MEGF11: variants seen among roughly 807,000 people sequenced by gnomAD.
MEGF11 encodes multiple epidermal growth factor-like domains protein 11.
In MEGF11, 126 loss-of-function variants were observed where a neutral mutation model predicts 146.6. The observed-to-expected ratio is 0.86, with a 90% CI of 0.74 to 1.00. MEGF11 has a LOEUF of 1.00. MEGF11 is among the 50% of genes least tolerant of loss of function. The pLI is 0.00. For synonymous variants in MEGF11, 532 were observed against 583.4 expected (o/e 0.91, Z 1.27); for missense variants, 1,509 against 1,521.2 (o/e 0.99, Z 0.13).
intron 5 of MEGF11, among the ~76,000 whole-genome samples, chr15:66,065,855 T>C (rs1174466810): frequency 1.3e-5 from 2 of 152,142 alleles, no homozygotes; most frequent in Non-Finnish European, 2.9e-5. Context: ...CAGTGGGGTT[T>C]CCCTCACCTT....
At chr15:66,114,348 G>C (rs62012722) in intron 4 of MEGF11, among the ~76,000 whole-genome samples, 10,994 of 152,216 alleles carry the variant, frequency 0.072, 403 homozygotes, top group Middle Eastern at 0.11. Context: ...GGCTGACAAG[G>C]AGCAGGCCTT....
chr15:66,048,038 T>C (rs1173565101), intron 5 of MEGF11, among the ~76,000 whole-genome samples: 3 of 151,252 alleles, frequency 2.0e-5, no homozygotes, highest in African/African-American at 7.3e-5. Flanking sequence ...CTCTGCCTCC[T>C]GGGTTCAAGT....
At chr15:66,072,208 C>T (rs996523260) in intron 5 of MEGF11, among the ~76,000 whole-genome samples, 1 of 152,176 alleles carries the variant, frequency 6.6e-6, no homozygotes, top group Non-Finnish European at 1.5e-5. Context: ...TGGCAATTGT[C>T]CCCTGAGTGT....
chr15:65,982,732 C>T lies in MEGF11; in HGVS notation c.395-244G>A, dbSNP rs1333669531. On this transcript the variant is annotated intron_variant, in intron 5 of 25. Coordinates refer to ENST00000395614, the MANE Select transcript of MEGF11 (RefSeq NM_001385028.1). The surrounding 1 kb of genome is among the most constrained non-coding windows in gnomAD (Gnocchi z 5.6). ...TGTTTCCTCAAGGCAGCTTCAGAAC[C>T]TACCTCCTGGTCCGGCCATTCTCTT... Among the ~76,000 whole-genome samples the T allele has an allele frequency of 6.6e-6, 1 of 152,184 alleles. No individual in the cohort carries two copies. The highest frequency in any genetic ancestry group is 1.5e-5 in the Non-Finnish European group (1 of 68,032).
chr15:66,116,801 AC>A (rs1310025014), intron 4 of MEGF11, among the ~76,000 whole-genome samples: 1 of 151,890 alleles, frequency 6.6e-6, no homozygotes, highest in Non-Finnish European at 1.5e-5. Context: ...CATTTACTCA[AC>A]CCCCACTCTG....
chr15:65,909,278 A>AGGGGCCAGGGCCAGC, intron 22 of MEGF11, 143 bp from the exon 23 acceptor site: 3 of 661,660 alleles, frequency 4.5e-6, no homozygotes, highest in Admixed American at 2.3e-5. Context: ...TAGCATCCAG[A>AGGGGCCAGGGCCAGC]GGGGCCAGGG....
In MEGF11 at chr15:65,916,825, T is replaced by TAA. The variant is rs762631017; in HGVS notation, c.2215+2_2215+3insTT. 1,192 of 1,610,950 alleles carry TAA rather than the reference T, an allele frequency of 7.4e-4. No individual in the cohort carries two copies. Among genetic ancestry groups the TAA allele is most frequent in the Non-Finnish European group, 9.0e-4 (1,063 of 1,178,446 alleles). ...GGCTGGGAGGCCAGGAGGTGGGGCT[T>TAA]ACGCTGTGTGCAGAAGAGTCCAGTC... On this transcript the variant is annotated splice_region_variant and intron_variant, in intron 17 of 25. Coordinates refer to ENST00000395614, the MANE Select transcript of MEGF11 (RefSeq NM_001385028.1).
intron 1 of MEGF11, among the ~76,000 whole-genome samples, chr15:66,207,620 G>A (rs1010510654): frequency 6.6e-6 from 1 of 152,070 alleles, no homozygotes; most frequent in Non-Finnish European, 1.5e-5. Context: ...AATAAAGAAC[G>A]TCACTAAATG....
At chr15:65,999,867 C>T (rs1448042476) in intron 5 of MEGF11, among the ~76,000 whole-genome samples, 1 of 152,214 alleles carries the variant, frequency 6.6e-6, no homozygotes, top group East Asian at 1.9e-4. Context: ...AGGTCATTAT[C>T]ATCATCCACT....
chr15:66,224,095 T>C (rs1192390883), intron 1 of MEGF11, among the ~76,000 whole-genome samples: 2 of 152,182 alleles, frequency 1.3e-5, no homozygotes, highest in Non-Finnish European at 2.9e-5. Context: ...AATGTAGTGG[T>C]TAACTGCAGT....
At chr15:66,162,940 AAAATCACCCTGGCAAATCTCCT>A (rs2089994749) in intron 1 of MEGF11, among the ~76,000 whole-genome samples, 1 of 152,256 alleles carries the variant, frequency 6.6e-6, no homozygotes, top group African/African-American at 2.4e-5. Context: ...GCATATAGTC[AAAATCACCCTGGCAAATCTCCT>A]AAATCACCCA....
At chr15:65,928,280 A>G (rs546740890) in intron 13 of MEGF11, 145 bp downstream of exon 13, 1 of 534,862 alleles carries the variant, frequency 1.9e-6, no homozygotes, top group Non-Finnish European at 3.4e-6. Flanking sequence ...GGAATGGAGA[A>G]CTGGAACCCA....
In MEGF11 at chr15:65,898,520, T is replaced by G. The variant is rs1258395633; in HGVS notation, c.3262+208A>C. 3 of 985,170 alleles carry G rather than the reference T, an allele frequency of 3.0e-6. No individual in the cohort carries two copies. In the African/African-American group the frequency reaches 5.2e-5, roughly 17 times the overall value. The allele number at this position is 985,170 out of a possible 1,614,324, so 61.0% of individuals were successfully genotyped here. On this transcript the variant is annotated intron_variant, in intron 25 of 25. Coordinates refer to ENST00000395614, the MANE Select transcript of MEGF11 (RefSeq NM_001385028.1). ...ATTTGTTTCATATTAGTCCTGGTGT[T>G]TTTTAAAGCAGAGTTGGTACAATAA...
At chr15:66,015,452 C>G (rs1179063534) in intron 5 of MEGF11, among the ~76,000 whole-genome samples, 1 of 152,180 alleles carries the variant, frequency 6.6e-6, no homozygotes. Context: ...AGTTTTTGAC[C>G]ATTCACTGTG....
At position 66,002,282 on chromosome 15, in the gene MEGF11, G is replaced by C. The variant is rs184898187; in HGVS notation, c.395-19794C>G. Among the ~76,000 whole-genome samples the C allele has an allele frequency of 1.1e-3, 165 of 152,254 alleles. 1 individual carries two copies. Among genetic ancestry groups the C allele is most frequent in the African/African-American group, 3.9e-3 (162 of 41,540 alleles). ...TGGCTACCTGTCATCACTCAGGCTCGAGAGAGAGAACAATCTTATTAAAAT... is the reference window on the plus strand; with the variant it reads ...TGGCTACCTGTCATCACTCAGGCTCCAGAGAGAGAACAATCTTATTAAAAT... On this transcript the variant is annotated intron_variant, in intron 5 of 25. Coordinates refer to ENST00000395614, the MANE Select transcript of MEGF11 (RefSeq NM_001385028.1).
At chr15:66,240,057 T>C (rs907439254) in intron 1 of MEGF11, among the ~76,000 whole-genome samples, 1 of 152,168 alleles carries the variant, frequency 6.6e-6, no homozygotes, top group Non-Finnish European at 1.5e-5. Flanking sequence ...TTGCCTCACT[T>C]TCCTTTTTCC....
chr15:66,021,392 G>T (rs1279994102), intron 5 of MEGF11, among the ~76,000 whole-genome samples: 1 of 152,170 alleles, frequency 6.6e-6, no homozygotes, highest in East Asian at 1.9e-4. Flanking sequence ...TCTTTATTCT[G>T]TTGTAGACAC....
chr15:66,179,321 T>C (rs2090477842), intron 1 of MEGF11, among the ~76,000 whole-genome samples: 2 of 152,086 alleles, frequency 1.3e-5, no homozygotes, highest in African/African-American at 2.4e-5. Context: ...TTAGTAGAGA[T>C]GGGGTTTCAC....
intron 10 of MEGF11, among the ~76,000 whole-genome samples, chr15:65,940,184 G>T (rs1247568925): frequency 6.6e-6 from 1 of 152,168 alleles, no homozygotes; most frequent in Non-Finnish European, 1.5e-5. Context: ...TAGTGGCTCT[G>T]GTTGCTTCTG....
Sources: allele counts gnomAD v4.1 joint callset (sites outside exome capture counted in the v4.1 genomes callset), GRCh38; gene constraint gnomAD v4.1.1; non-coding constraint Gnocchi (gnomAD v3.1); transcripts MANE v1.5; gene names NCBI Gene and HGNC (gene_info 2026-07-23, HGNC 2026-07-21).